PAQR8: variants seen among roughly 807,000 people sequenced by gnomAD.
PAQR8 encodes membrane progestin receptor beta.
PAQR8 carries 17 observed loss-of-function variants against 25.2 expected under a neutral mutation model. The observed-to-expected ratio is 0.67, with a 90% confidence interval of 0.46 to 1.01. The LOEUF (loss-of-function observed/expected upper bound fraction) is 1.01. Among genes scored for constraint, PAQR8 ranks in the 50% least tolerant of loss-of-function variants. The pLI, the probability that PAQR8 is intolerant of heterozygous loss-of-function variation, is 0.00. For synonymous variants in PAQR8, 204 were observed against 190.6 expected, an observed-to-expected ratio of 1.07 and a Z score of -0.58; for missense variants, 392 against 448.4, an observed-to-expected ratio of 0.87 and a Z score of 1.14.
At position 52,393,930 on chromosome 6, in the gene PAQR8, G is replaced by A. The variant is rs548926506; in HGVS notation, c.-52-9232G>A. ...AGGAGTTGGCCAGTGGACATCAGTG[G>A]TGTGGGCATTCCAGGCATGCATAGA... On this transcript the variant is annotated intron_variant, in intron 1 of 1. Transcript: ENST00000442253. 1.1e-4 allele frequency among the ~76,000 whole-genome samples: 16 copies of A among 152,310 alleles called. No homozygotes were observed. The South Asian group carries it at 2.1e-3, about 20-fold the overall frequency.
At chr6:52,365,764 T>C (rs939801778) in intron 1 of PAQR8, among the ~76,000 whole-genome samples, 2 of 152,194 alleles carry the variant, frequency 1.3e-5, no homozygotes, top group African/African-American at 4.8e-5. Flanking sequence ...TATTTTTTAT[T>C]TATTCAGAAA....
chr6:52,383,770 T>A (rs1023487321), intron 1 of PAQR8, among the ~76,000 whole-genome samples: 18 of 151,874 alleles, frequency 1.2e-4, no homozygotes, highest in African/African-American at 4.4e-4. Context: ...TATCAAGCAG[T>A]GGTTGATGCT....
At position 52,375,515 on chromosome 6, in the gene PAQR8, AT is replaced by A. The variant is rs978013496; in HGVS notation, c.-53+13275del. On this transcript the variant is annotated intron_variant, in intron 1 of 1. Coordinates refer to ENST00000442253, the MANE Select transcript of PAQR8 (RefSeq NM_133367.5). ...AGAGAAAGCAAAATTTTTTTGATTA[AT>A]TTTTTTTTAAGATGCAGGGTCTCAC... is the stretch of plus-strand genomic sequence containing the variant. 1.1e-3 allele frequency among the ~76,000 whole-genome samples: 170 copies of A among 151,472 alleles called. 1 individual carries two copies. Among genetic ancestry groups the A allele is most frequent in the African/African-American group, 3.9e-3 (162 of 41,312 alleles).
chr6:52,372,260 G>A (rs1452762851), intron 1 of PAQR8, among the ~76,000 whole-genome samples: 1 of 152,298 alleles, frequency 6.6e-6, no homozygotes, highest in Non-Finnish European at 1.5e-5. Flanking sequence ...AAGCTGACTC[G>A]GAACTCTGAT....
intron 1 of PAQR8, among the ~76,000 whole-genome samples, chr6:52,391,505 G>A (rs1243803298): frequency 6.6e-6 from 1 of 152,206 alleles, no homozygotes; most frequent in Non-Finnish European, 1.5e-5. Flanking sequence ...GCTAATAACA[G>A]GATTGCACTG....
intron 1 of PAQR8, among the ~76,000 whole-genome samples, chr6:52,376,517 T>C (rs1355964740): frequency 1.3e-5 from 2 of 152,226 alleles, no homozygotes; most frequent in African/African-American, 4.8e-5. Flanking sequence ...TTTTCCATTT[T>C]GGAAGTCTCA....
intron 1 of PAQR8, among the ~76,000 whole-genome samples, chr6:52,389,737 A>C (rs1763676621): frequency 6.6e-6 from 1 of 152,214 alleles, no homozygotes; most frequent in Non-Finnish European, 1.5e-5. Flanking sequence ...CTTTCTTTAT[A>C]TGGTGCTCCA....
chr6:52,377,641 C>A (rs1256839224), intron 1 of PAQR8, among the ~76,000 whole-genome samples: 1 of 151,994 alleles, frequency 6.6e-6, no homozygotes, highest in Non-Finnish European at 1.5e-5. Flanking sequence ...GGAGAACATC[C>A]TTGGGACTTG....
At chr6:52,390,001 T>G (rs1367376689) in intron 1 of PAQR8, among the ~76,000 whole-genome samples, 1 of 152,226 alleles carries the variant, frequency 6.6e-6, no homozygotes, top group Admixed American at 6.5e-5. Context: ...GGGAGACACC[T>G]GTCCCTAGGC....
intron 1 of PAQR8, among the ~76,000 whole-genome samples, chr6:52,374,567 C>T (rs965356666): frequency 1.3e-5 from 2 of 152,130 alleles, no homozygotes; most frequent in African/African-American, 2.4e-5. Context: ...TCACATACCA[C>T]GATGCCCAGC....
intron 1 of PAQR8, among the ~76,000 whole-genome samples, chr6:52,371,407 T>C (rs1365356949): frequency 6.6e-6 from 1 of 152,128 alleles, no homozygotes; most frequent in Non-Finnish European, 1.5e-5. Flanking sequence ...TTTTCTCCTT[T>C]TTACTGTCTA....
At chr6:52,387,218 T>G (rs912890588) in intron 1 of PAQR8, among the ~76,000 whole-genome samples, 2 of 152,222 alleles carry the variant, frequency 1.3e-5, no homozygotes, top group Admixed American at 1.3e-4. Flanking sequence ...AGGCTCTGGA[T>G]AGTGCTCCTG....
chr6:52,384,032 GT>G (rs1200161395), intron 1 of PAQR8, among the ~76,000 whole-genome samples: 1 of 152,152 alleles, frequency 6.6e-6, no homozygotes, highest in Non-Finnish European at 1.5e-5. Context: ...AAAGGGACAG[GT>G]TTTGCATTTG....
intron 1 of PAQR8, among the ~76,000 whole-genome samples, chr6:52,371,139 A>T (rs998640784): frequency 6.6e-6 from 1 of 152,180 alleles, no homozygotes; most frequent in Non-Finnish European, 1.5e-5. Flanking sequence ...TGCTATGAGG[A>T]AAAATAAATC....
rs1763389775 is a variant in PAQR8, at chr6:52,369,226, A to G, written c.-53+6977A>G. Among the ~76,000 whole-genome samples the G allele has an allele frequency of 3.3e-5, 5 of 152,226 alleles. No homozygotes were observed. In the South Asian group the frequency reaches 1.0e-3, roughly 32 times the overall value. On this transcript the variant is annotated intron_variant, in intron 1 of 1. Transcript: ENST00000442253. Reference sequence around the variant, plus strand: ...CCTAGGGAAGACCCAAGGCTGGTTCACCTCTCTTTCCAGGGTGACCTGGTT... The same window carrying G: ...CCTAGGGAAGACCCAAGGCTGGTTCGCCTCTCTTTCCAGGGTGACCTGGTT...
In PAQR8 at chr6:52,364,083, G is replaced by GTTTTTTTTTTTTTTTTTTTTT. The variant is rs67846872; in HGVS notation, c.-53+1854_-53+1855insTTTTTTTTTTTTTTTTTTTTT. ...AGTGGATATATCCATTGAAAGATATGTTTTTTTTTTTTTTTTTTTTGCGGG... is the reference window on the plus strand; with the variant it reads ...AGTGGATATATCCATTGAAAGATATGTTTTTTTTTTTTTTTTTTTTTTTTTTTTTTTTTTTTTTTTTGCGGG... On this transcript the variant is annotated intron_variant, in intron 1 of 1. Transcript: ENST00000442253. 1.2e-4 allele frequency among the ~76,000 whole-genome samples: 10 copies of GTTTTTTTTTTTTTTTTTTTTT among 84,268 alleles called. 2 individuals are homozygous for GTTTTTTTTTTTTTTTTTTTTT. The highest frequency in any genetic ancestry group is 1.3e-4 in the Non-Finnish European group (6 of 45,822). 55.3% of individuals were successfully genotyped at this position (84,268 alleles called of 152,430 possible). A position where few individuals can be genotyped will look rare whatever the true frequency, so the allele number is the denominator to read the frequency against.
intron 1 of PAQR8, among the ~76,000 whole-genome samples, chr6:52,374,563 A>G (rs1162113021): frequency 6.6e-6 from 1 of 152,106 alleles, no homozygotes; most frequent in Non-Finnish European, 1.5e-5. Flanking sequence ...ACAGTCACAT[A>G]CCACGATGCC....
chr6:52,382,956 A>G (rs985417933), intron 1 of PAQR8, among the ~76,000 whole-genome samples: 1 of 152,150 alleles, frequency 6.6e-6, no homozygotes, highest in Non-Finnish European at 1.5e-5. Context: ...TAATTTTCTA[A>G]AAGTTATTTT....
intron 1 of PAQR8, among the ~76,000 whole-genome samples, chr6:52,376,092 G>T (rs1763481819): frequency 1.3e-5 from 2 of 152,322 alleles, no homozygotes; most frequent in Middle Eastern, 3.4e-3. Flanking sequence ...TTAGTGCCTG[G>T]TTATAACTAA....
Sources: allele counts gnomAD v4.1 joint callset (sites outside exome capture counted in the v4.1 genomes callset), GRCh38; gene constraint gnomAD v4.1.1; transcripts MANE v1.5; gene names NCBI Gene and HGNC (gene_info 2026-07-23, HGNC 2026-07-21).